ME1: variants seen among roughly 807,000 people sequenced by gnomAD.
ME1 encodes the protein malic enzyme 1, also known as NADP-dependent malic enzyme.
A neutral mutation model predicts 66.4 loss-of-function variants in ME1; 74 were observed. The observed-to-expected ratio is 1.11, with a 90% CI of 0.92 to 1.35. The LOEUF is 1.35. Ranked by LOEUF, ME1 falls within the 40% of genes most tolerant of loss-of-function variation. ME1 has a pLI of 0.00. For missense variants in ME1, 750 were observed against 694.1 expected (o/e 1.08, Z -0.90); for synonymous variants, 251 against 235.6 (o/e 1.07, Z -0.60).
intron 1 of ME1, among the ~76,000 whole-genome samples, chr6:83,428,893 G>A (rs1770424502): frequency 6.6e-6 from 1 of 152,148 alleles, no homozygotes; most frequent in African/African-American, 2.4e-5. Context: ...AGATCTTTGT[G>A]ATACTATTAT....
At chr6:83,402,292 G>T (rs1769854516) in intron 2 of ME1, among the ~76,000 whole-genome samples, 2 of 152,108 alleles carry the variant, frequency 1.3e-5, no homozygotes, top group African/African-American at 4.8e-5. Flanking sequence ...TCATAGCCAG[G>T]ATTCATAGGT....
chr6:83,303,910 A>T (rs569025779), intron 6 of ME1, among the ~76,000 whole-genome samples: 15 of 152,308 alleles, frequency 9.8e-5, no homozygotes, highest in Non-Finnish European at 2.1e-4. Flanking sequence ...ACTTTTATAT[A>T]CATTATTTTC....
At chr6:83,359,848 C>T (rs1474907116) in intron 3 of ME1, among the ~76,000 whole-genome samples, 1 of 152,202 alleles carries the variant, frequency 6.6e-6, no homozygotes, top group Admixed American at 6.5e-5. Flanking sequence ...ACTACAGTCA[C>T]TCAACTACAA....
chr6:83,237,065 G>A (rs574425507), intron 9 of ME1, among the ~76,000 whole-genome samples: 3 of 150,552 alleles, frequency 2.0e-5, no homozygotes, highest in East Asian at 2.0e-4. Flanking sequence ...CGGATATGGC[G>A]GCCTGTGGTC....
intron 6 of ME1, among the ~76,000 whole-genome samples, chr6:83,296,707 G>A (rs1767603693): frequency 6.6e-6 from 1 of 152,080 alleles, no homozygotes; most frequent in Non-Finnish European, 1.5e-5. Context: ...CATCCAAATA[G>A]GAAGAAAGGA....
rs1767393409 is a variant in ME1, at chr6:83,286,211, T to C, written c.704+29099A>G. On this transcript the variant is annotated intron_variant, in intron 6 of 13. Coordinates refer to ENST00000369705, the MANE Select transcript of ME1 (RefSeq NM_002395.6). Reference sequence around the variant, plus strand: ...TAATAAGTTACTCTGTGCCTCTGTTTTCTTACCCTGAAAAATTAAGATAAA... The same window carrying C: ...TAATAAGTTACTCTGTGCCTCTGTTCTCTTACCCTGAAAAATTAAGATAAA... 2.6e-5 allele frequency among the ~76,000 whole-genome samples: 4 copies of C among 152,184 alleles called. 1 individual carries two copies. Among genetic ancestry groups the C allele is most frequent in the South Asian group, 4.1e-4 (2 of 4,826 alleles).
At chr6:83,351,084 T>C (rs1004688447) in intron 4 of ME1, among the ~76,000 whole-genome samples, 2 of 150,622 alleles carry the variant, frequency 1.3e-5, no homozygotes, top group African/African-American at 4.9e-5. Flanking sequence ...TAATCAATTA[T>C]AGCCACAATG....
chr6:83,251,152 C>T (rs529603546), intron 7 of ME1, among the ~76,000 whole-genome samples: 4 of 152,244 alleles, frequency 2.6e-5, no homozygotes, highest in African/African-American at 9.6e-5. Context: ...ACGTTCTCTG[C>T]CTTCGCAGAG....
chr6:83,343,789 T>C (rs1377227251), intron 5 of ME1, among the ~76,000 whole-genome samples: 2 of 152,116 alleles, frequency 1.3e-5, no homozygotes, highest in East Asian at 3.9e-4. Flanking sequence ...TAAACAGAGA[T>C]AATGTGGAAA....
intron 3 of ME1, among the ~76,000 whole-genome samples, chr6:83,378,969 A>G (rs1389035090): frequency 6.6e-6 from 1 of 152,126 alleles, no homozygotes; most frequent in East Asian, 1.9e-4. Flanking sequence ...AAACAGTTCA[A>G]TATATTCTTT....
intron 6 of ME1, among the ~76,000 whole-genome samples, chr6:83,285,762 T>C (rs1447422043): frequency 6.6e-6 from 1 of 152,218 alleles, no homozygotes; most frequent in Non-Finnish European, 1.5e-5. Context: ...GAAACTTCTA[T>C]TGAATTCACA....
chr6:83,401,780 G>A (rs908392811), intron 2 of ME1, among the ~76,000 whole-genome samples: 1 of 152,164 alleles, frequency 6.6e-6, no homozygotes, highest in African/African-American at 2.4e-5. Flanking sequence ...CCACTTCTGA[G>A]TGTTCAATCT....
At chr6:83,415,254 T>A (rs928152236) in intron 1 of ME1, among the ~76,000 whole-genome samples, 1 of 152,174 alleles carries the variant, frequency 6.6e-6, no homozygotes. Flanking sequence ...TAGACAGCAA[T>A]TCCAACACAT....
intron 6 of ME1, among the ~76,000 whole-genome samples, chr6:83,314,740 C>T (rs1767997408): frequency 6.6e-6 from 1 of 152,166 alleles, no homozygotes; most frequent in African/African-American, 2.4e-5. Context: ...AAGAGACTCT[C>T]AACCTACATA....
At chr6:83,225,808 T>TTATATA (rs57577563) in intron 11 of ME1, among the ~76,000 whole-genome samples, 3,092 of 137,898 alleles carry the variant, frequency 0.022, 85 homozygotes, top group Admixed American at 0.078. Flanking sequence ...GCCTGTAACA[T>TTATATA]TATATATATA....
chr6:83,430,852 C>CGGT lies in ME1; in HGVS notation c.78+24_78+25insACC, dbSNP rs759599993. The CGGT allele has an allele frequency of 5.1e-4, 811 of 1,578,344 alleles. 1 individual carries two copies. The highest frequency in any genetic ancestry group is 1.2e-3 in the Middle Eastern group (7 of 5,982). On this transcript the variant is annotated intron_variant, in intron 1 of 13. Transcript: ENST00000369705. ...ACCCTGATAGAGAGGGGCCGATGGGCGGCCAGGTGGGCCTGCGGGTTTACC... is the reference window on the plus strand; with the variant it reads ...ACCCTGATAGAGAGGGGCCGATGGGCGGTGGCCAGGTGGGCCTGCGGGTTTACC...
rs1033032638 is a variant in ME1 at position 83,323,994 on chromosome 6, A to G, written c.601-8581T>C. Reference sequence around the variant, plus strand: ...GAAATCATAACAAACACACTCTCAGACCACAGTGCAATCAAATTAGAACTC... The same window carrying G: ...GAAATCATAACAAACACACTCTCAGGCCACAGTGCAATCAAATTAGAACTC... On this transcript the variant is annotated intron_variant, in intron 5 of 13. Transcript: ENST00000369705. Among the ~76,000 whole-genome samples the G allele has an allele frequency of 5.3e-5, 8 of 152,182 alleles. 1 individual carries two copies. Among genetic ancestry groups the G allele is most frequent in the African/African-American group, 1.4e-4 (6 of 41,452 alleles).
intron 6 of ME1, among the ~76,000 whole-genome samples, chr6:83,254,287 T>C (rs549067234): frequency 2.0e-5 from 3 of 152,132 alleles, no homozygotes; most frequent in Non-Finnish European, 4.4e-5. Context: ...TGTAAGGGTG[T>C]AGTGAAAGAT....
At chr6:83,413,509 G>T (rs1770090833) in intron 1 of ME1, among the ~76,000 whole-genome samples, 1 of 151,922 alleles carries the variant, frequency 6.6e-6, no homozygotes, top group East Asian at 1.9e-4. Flanking sequence ...AAAAGTTTTA[G>T]AATTAATTTT....
Sources: allele counts gnomAD v4.1 joint callset (sites outside exome capture counted in the v4.1 genomes callset), GRCh38; gene constraint gnomAD v4.1.1; transcripts MANE v1.5; gene names NCBI Gene and HGNC (gene_info 2026-07-23, HGNC 2026-07-21).